WRNIP1: variants seen among roughly 807,000 people sequenced by gnomAD.
The protein encoded by WRNIP1 is WRN helicase interacting protein 1.
WRNIP1 carries 41 observed loss-of-function variants against 56.1 expected under a neutral mutation model. The observed-to-expected ratio is 0.73, with a 90% CI of 0.57 to 0.95. WRNIP1 has a LOEUF of 0.95. Among genes scored for constraint, WRNIP1 ranks in the 40% least tolerant of loss-of-function variants. WRNIP1 has a pLI of 0.00. For missense variants in WRNIP1, 1,170 were observed against 939.4 expected, an observed-to-expected ratio of 1.25 and a Z score of -3.21; for synonymous variants, 547 against 398.1, an observed-to-expected ratio of 1.37 and a Z score of -4.45.
In WRNIP1 at chr6:2,784,499, G is replaced by C; in HGVS notation, c.1722+96G>C. 5.4e-6 allele frequency: 7 copies of C among 1,292,456 alleles called. 1 individual carries two copies. Among genetic ancestry groups the C allele is most frequent in the Non-Finnish European group, 4.3e-6 (4 of 921,760 alleles). The allele number at this position is 1,292,456 out of a possible 1,614,324, so 80.1% of individuals were successfully genotyped here. ...AATAAATGTCCCTCCTTCACCATTG[G>C]TGTATTGGACCCACTGAGTATGCTG... On this transcript the variant is annotated intron_variant, in intron 6 of 6. Coordinates refer to ENST00000380773, the MANE Select transcript of WRNIP1 (RefSeq NM_020135.3).
In WRNIP1 at chr6:2,766,454, G is replaced by T. The variant is rs368586691; in HGVS notation, c.822+10G>T. ...GCCGGGCTGCGGCAAGGTGAGTGCG[G>T]CCTTGGCCGTTGGGCTTCCGTAGTT... is the stretch of plus-strand genomic sequence containing the variant. On this transcript the variant is annotated intron_variant, in intron 1 of 6. Coordinates refer to ENST00000380773, the MANE Select transcript of WRNIP1 (RefSeq NM_020135.3). 4.6e-6 allele frequency: 7 copies of T among 1,518,694 alleles called. No individual in the cohort carries two copies. The highest frequency in any genetic ancestry group is 6.2e-6 in the Non-Finnish European group (7 of 1,122,500). 94.1% of individuals were successfully genotyped at this position (1,518,694 alleles called of 1,614,324 possible). A position where few individuals can be genotyped will look rare whatever the true frequency, so the allele number is the denominator to read the frequency against.
In WRNIP1 at chr6:2,785,117, GC is replaced by G; in HGVS notation, c.1839del (p.Val614CysfsTer5). The G allele has an allele frequency of 6.2e-7, 1 of 1,614,172 alleles. No homozygotes were observed. The highest frequency in any genetic ancestry group is 8.5e-7 in the Non-Finnish European group (1 of 1,180,024). On this transcript the variant is annotated frameshift_variant, in exon 7 of 7. Transcript: ENST00000380773. LOFTEE classifies it high-confidence loss of function. ...ACLRNHQGPL[P>X]PVPLHLRNAP... is the part of the protein sequence containing the mutation. ...GCCTGAGGAACCACCAGGGGCCACTGCCCCCCGTGCCCCTGCACCTGAGGAA... is the reference window on the plus strand; with the variant it reads ...GCCTGAGGAACCACCAGGGGCCACTGCCCCCGTGCCCCTGCACCTGAGGAA...
chr6:2,772,930 C>G (rs916390101), intron 3 of WRNIP1: 39 of 976,458 alleles, frequency 4.0e-5, no homozygotes, highest in Non-Finnish European at 4.4e-5. Flanking sequence ...CTTACTTTCT[C>G]TCTCCAGGAA....
chr6:2,766,412 C>A lies in WRNIP1; in HGVS notation c.790C>A (p.Leu264Ile), dbSNP rs758580088. ...SLLETNEIPS[L>I]ILWGPPGCGK... ...CCTGGAGACCAACGAAATCCCCTCG[C>A]TTATCCTGTGGGGGCCGCCGGGCTG... The change falls in exon 1 of 7, where the codon CTT becomes ATT. Residue 264 changes from leucine (L) to isoleucine (I), a missense_variant. By Grantham distance (5) the Leu-to-Ile change is conservative (BLOSUM62 2). Transcript: ENST00000380773. The A allele has an allele frequency of 3.8e-6, 6 of 1,599,960 alleles. No individual in the cohort carries two copies. In the Admixed American group the frequency reaches 8.5e-5, roughly 23 times the overall value.
intron 3 of WRNIP1, among the ~76,000 whole-genome samples, chr6:2,778,858 C>A (rs192379017): frequency 6.6e-6 from 1 of 152,192 alleles, no homozygotes; most frequent in Admixed American, 6.5e-5. Context: ...TCTGTCTCAT[C>A]GGATGTAGGC....
intron 4 of WRNIP1, among the ~76,000 whole-genome samples, chr6:2,782,744 T>C (rs1241946120): frequency 1.3e-5 from 2 of 152,212 alleles, no homozygotes; most frequent in Non-Finnish European, 2.9e-5. Context: ...TTTCACTGAT[T>C]TCATGTGAAT....
intron 1 of WRNIP1, among the ~76,000 whole-genome samples, chr6:2,766,997 A>C (rs140453949): frequency 1.2e-3 from 180 of 152,324 alleles, no homozygotes; most frequent in African/African-American, 4.2e-3. Context: ...TATTGATTTT[A>C]CTAAATATAC....
intron 3 of WRNIP1, among the ~76,000 whole-genome samples, chr6:2,776,118 A>G (rs1387310761): frequency 2.0e-5 from 3 of 152,352 alleles, no homozygotes; most frequent in Admixed American, 1.3e-4. Flanking sequence ...GCCAATATCA[A>G]TACAACTATC....
At chr6:2,776,029 A>G (rs1765423420) in intron 3 of WRNIP1, among the ~76,000 whole-genome samples, 2 of 152,192 alleles carry the variant, frequency 1.3e-5, no homozygotes, top group Admixed American at 1.3e-4. Flanking sequence ...ATATGCTTAA[A>G]TTTAAAAATA....
intron 4 of WRNIP1, among the ~76,000 whole-genome samples, chr6:2,780,182 C>CT (rs1765523228): frequency 6.6e-6 from 1 of 152,184 alleles, no homozygotes; most frequent in African/African-American, 2.4e-5. Flanking sequence ...ACTTCTGCTG[C>CT]TTGAGCATTT....
rs1354936730 is a variant in WRNIP1 at position 2,784,349 on chromosome 6, A to C, written c.1668A>C (p.Thr556=). 6.2e-7 allele frequency: 1 copy of C among 1,613,984 alleles called. No individual in the cohort carries two copies. The highest frequency in any genetic ancestry group is 8.5e-7 in the Non-Finnish European group (1 of 1,179,948). Residue 556 remains threonine (T), a synonymous_variant, in exon 6 of 7, where the codon ACA becomes ACC. Transcript: ENST00000380773. The part of the protein sequence containing the change: ...DIGLADPSAL[T]QAVAAYQGCH... ...GTCTGGCAGACCCGTCTGCGTTAACACAAGCGGTTGCTGCCTACCAAGGCT... is the reference window on the plus strand; with the variant it reads ...GTCTGGCAGACCCGTCTGCGTTAACCCAAGCGGTTGCTGCCTACCAAGGCT...
chr6:2,785,593 C>T lies in WRNIP1; in HGVS notation c.*311C>T. The T allele has an allele frequency of 3.2e-6, 1 of 308,692 alleles. No individual in the cohort carries two copies. The highest frequency in any genetic ancestry group is 6.0e-6 in the Non-Finnish European group (1 of 167,270). 19.1% of individuals were successfully genotyped at this position (308,692 alleles called of 1,614,324 possible). A position where few individuals can be genotyped will look rare whatever the true frequency, so the allele number is the denominator to read the frequency against. On this transcript the variant is annotated 3_prime_UTR_variant, in exon 7 of 7. Transcript: ENST00000380773. ...TAAGTCATAATGTCATTTCAGAATT[C>T]AGTTCTGTAGGATTTTCTTTTCTTT...
Position 2,786,905 on chromosome 6 carries a change from T to C in WRNIP1, c.*1623T>C, listed in dbSNP as rs772848834. ...AGTTTCTTTTTTTATTCAATAAATTTATTTATTTATGAGACCAACTCTTGC... is the reference window on the plus strand; with the variant it reads ...AGTTTCTTTTTTTATTCAATAAATTCATTTATTTATGAGACCAACTCTTGC... On this transcript the variant is annotated 3_prime_UTR_variant, in exon 7 of 7. Coordinates refer to ENST00000380773, the MANE Select transcript of WRNIP1 (RefSeq NM_020135.3). The C allele has an allele frequency of 6.6e-6, 1 of 152,312 alleles. No individual in the cohort carries two copies. Among genetic ancestry groups the C allele is most frequent in the Non-Finnish European group, 1.5e-5 (1 of 68,036 alleles). The allele number at this position is 152,312 out of a possible 1,614,324, so 9.4% of individuals were successfully genotyped here.
At chr6:2,779,060 C>G (rs1254536383) in intron 3 of WRNIP1, among the ~76,000 whole-genome samples, 1 of 152,182 alleles carries the variant, frequency 6.6e-6, no homozygotes, top group South Asian at 2.1e-4. Context: ...TCATAAGATA[C>G]AGGGCGATAA....
Position 2,765,576 on chromosome 6 carries a change from A to G in WRNIP1, c.-47A>G. The stretch of plus-strand genomic sequence containing the variant: ...GGGCATCGAAGGCCTCCGCGTGCGC[A>G]CGGGTTGCTGCGGCCGCGCCGGGCG... On this transcript the variant is annotated 5_prime_UTR_variant, in exon 1 of 7. Coordinates refer to ENST00000380773, the MANE Select transcript of WRNIP1 (RefSeq NM_020135.3). 7.0e-7 allele frequency: 1 copy of G among 1,425,286 alleles called. No individual in the cohort carries two copies. Among genetic ancestry groups the G allele is most frequent in the Non-Finnish European group, 9.1e-7 (1 of 1,096,066 alleles). The allele number at this position is 1,425,286 out of a possible 1,614,324, so 88.3% of individuals were successfully genotyped here. A position where few individuals can be genotyped will look rare whatever the true frequency, so the allele number is the denominator to read the frequency against.
chr6:2,781,041 G>C (rs564514834), intron 4 of WRNIP1, among the ~76,000 whole-genome samples: 1 of 152,168 alleles, frequency 6.6e-6, no homozygotes, highest in Non-Finnish European at 1.5e-5. Flanking sequence ...GGTCTTACTG[G>C]TTCCCAAGAC....
In WRNIP1 at chr6:2,770,152, G is replaced by T. The variant is rs752351223; in HGVS notation, c.1047G>T (p.Thr349=). 1.2e-5 allele frequency: 19 copies of T among 1,614,070 alleles called. No homozygotes were observed. The South Asian group carries it at 1.9e-4, about 16-fold the overall frequency. Residue 349 remains threonine, a synonymous_variant, in exon 3 of 7, where the codon ACG becomes ACT. Coordinates refer to ENST00000380773, the MANE Select transcript of WRNIP1 (RefSeq NM_020135.3). The part of the protein sequence containing the change: ...DTFLPHVECG[T]ITLIGATTEN... ...TCCTTCCTCACGTGGAATGTGGGAC[G>T]ATCACTCTGATTGGGGCAACCACTG...
At chr6:2,776,360 A>G (rs906636025) in intron 3 of WRNIP1, among the ~76,000 whole-genome samples, 1 of 152,238 alleles carries the variant, frequency 6.6e-6, no homozygotes, top group Non-Finnish European at 1.5e-5. Context: ...TTACTTGGAC[A>G]GAGTTGCCGA....
chr6:2,774,037 G>A, intron 3 of WRNIP1: 1 of 985,376 alleles, frequency 1.0e-6, no homozygotes, highest in East Asian at 1.1e-4. Flanking sequence ...AGTTTAAAGT[G>A]TCTTAAATAA....
Sources: allele counts gnomAD v4.1 joint callset (sites outside exome capture counted in the v4.1 genomes callset), GRCh38; gene constraint gnomAD v4.1.1; transcripts MANE v1.5; gene names NCBI Gene and HGNC (gene_info 2026-07-23, HGNC 2026-07-21).